PAH: variants seen among roughly 807,000 people sequenced by gnomAD.
PAH encodes phenylalanine hydroxylase, also known as phenylalanine-4-hydroxylase.
PAH carries 64 observed loss-of-function variants against 62.0 expected under a neutral mutation model. That is an observed-to-expected ratio of 1.03 (90% CI 0.84 to 1.27). The LOEUF (loss-of-function observed/expected upper bound fraction) is 1.27, where lower values mean the gene tolerates loss of function less well. PAH is among the 50% of genes most tolerant of loss of function. The pLI is 0.00. For missense variants in PAH, 579 were observed against 542.8 expected, an observed-to-expected ratio of 1.07 and a Z score of -0.66; for synonymous variants, 195 against 196.2, an observed-to-expected ratio of 0.99 and a Z score of 0.05.
At chr12:102,868,238 G>A (rs1876147996) in intron 4 of PAH, among the ~76,000 whole-genome samples, 1 of 144,144 alleles carries the variant, frequency 6.9e-6, no homozygotes, top group South Asian at 2.2e-4. Context: ...AGACACAGAG[G>A]GCAATGTAAT....
intron 5 of PAH, among the ~76,000 whole-genome samples, chr12:102,865,705 TG>T (rs1243128057): frequency 6.6e-6 from 1 of 152,206 alleles, no homozygotes. Context: ...AGCACATTTT[TG>T]AATTCTTCCA....
At chr12:102,855,390 G>C in intron 5 of PAH, 58 bp from the exon 6 acceptor site, 1 of 1,426,500 alleles carries the variant, frequency 7.0e-7, no homozygotes, top group Admixed American at 1.7e-5. Flanking sequence ...GCAGAACGCA[G>C]GTTAGGTTAG....
At chr12:102,867,910 CATGTATATACATATATAG>C (rs1876060986) in intron 4 of PAH, among the ~76,000 whole-genome samples, 1 of 137,406 alleles carries the variant, frequency 7.3e-6, no homozygotes, top group Admixed American at 7.4e-5. Flanking sequence ...TGTATATATA[CATGTATATACATATATAG>C]ATGTATATAT....
In PAH at chr12:102,929,181, C is replaced by T. The variant is rs181881785; in HGVS notation, c.-95-11956G>A. ...CCTGCAGAATGGTGGGTCAATTAAACCTCTTTCCTTTATTAATTACCCGGT... is the reference window on the plus strand; with the variant it reads ...CCTGCAGAATGGTGGGTCAATTAAATCTCTTTCCTTTATTAATTACCCGGT... On this transcript the variant is annotated intron_variant, in intron 1 of 3. Coordinates refer to the PAH transcript ENST00000546844. Among the ~76,000 whole-genome samples, 7 of 152,254 alleles carry T rather than the reference C, an allele frequency of 4.6e-5. No individual in the cohort carries two copies. In the East Asian group the frequency reaches 1.2e-3, roughly 25 times the overall value.
chr12:102,889,477 A>C (rs1440233972), intron 3 of PAH, among the ~76,000 whole-genome samples: 1 of 150,956 alleles, frequency 6.6e-6, no homozygotes, highest in Non-Finnish European at 1.5e-5. Context: ...GGACAGATAG[A>C]TAGGTAGATA....
rs138025942 is a variant in PAH, at chr12:102,870,148, T to G, written c.442-3485A>C. ...TATTGAGAGGTATAATTTGTGTGTG[T>G]GGGTGGGTTTAGGGGAGAGGGTAAC... On this transcript the variant is annotated intron_variant, in intron 4 of 12. Transcript: ENST00000553106. Among the ~76,000 whole-genome samples, 274 of 152,228 alleles carry G rather than the reference T, an allele frequency of 1.8e-3. 2 individuals carry two copies. Among genetic ancestry groups the G allele is most frequent in the South Asian group, 0.013 (62 of 4,812 alleles).
Position 102,838,195 on chromosome 12 carries a change from G to A in PAH, c.*980C>T, listed in dbSNP as rs148195437. 5 of 152,216 alleles carry A rather than the reference G, an allele frequency of 3.3e-5. No individual in the cohort carries two copies. The highest frequency in any genetic ancestry group is 5.9e-5 in the Non-Finnish European group (4 of 68,018). 9.4% of individuals were successfully genotyped at this position (152,216 alleles called of 1,614,324 possible). ...GGCATGACTTTGAGTGTCACAAGGA[G>A]CCCCTGCAAAGGGTTGGAGATATGA... On this transcript the variant is annotated 3_prime_UTR_variant, in exon 13 of 13. Coordinates refer to ENST00000553106, the MANE Select transcript of PAH (RefSeq NM_000277.3).
intron 3 of PAH, among the ~76,000 whole-genome samples, chr12:102,893,772 C>T (rs1877377374): frequency 6.6e-6 from 1 of 152,186 alleles, no homozygotes; most frequent in African/African-American, 2.4e-5. Context: ...CTTTTCCTCC[C>T]CGGAGGATGA....
intron 1 of PAH, among the ~76,000 whole-genome samples, chr12:102,944,196 C>T (rs1879402837): frequency 6.6e-6 from 1 of 152,148 alleles, no homozygotes; most frequent in Admixed American, 6.5e-5. Context: ...TAGCCTCCTT[C>T]CTTTATCCTT....
intron 1 of PAH, chr12:102,913,910 A>G (rs1010661561): frequency 1.7e-5 from 12 of 696,348 alleles, no homozygotes; most frequent in Non-Finnish European, 2.6e-5. Flanking sequence ...ATGTGTGTCC[A>G]CAATAAGCAG....
At chr12:102,937,496 CAACTT>C (rs1400065689) in intron 1 of PAH, among the ~76,000 whole-genome samples, 3 of 152,118 alleles carry the variant, frequency 2.0e-5, no homozygotes, top group East Asian at 1.9e-4. Flanking sequence ...AATCCGATGA[CAACTT>C]AACGCTGATT....
chr12:102,932,203 C>T (rs1179177613), intron 1 of PAH, among the ~76,000 whole-genome samples: 6 of 150,992 alleles, frequency 4.0e-5, no homozygotes, highest in Admixed American at 3.9e-4. Context: ...CCTACCCTGC[C>T]CAACCATCCC....
rs534500279 is a variant in PAH at position 102,956,056 on chromosome 12, C to T, written c.-96+2139G>A. Among the ~76,000 whole-genome samples, 4 of 152,282 alleles carry T rather than the reference C, an allele frequency of 2.6e-5. No individual in the cohort carries two copies. The South Asian group carries it at 8.3e-4, about 32-fold the overall frequency. ...ACTCAGCCAGCCCACATACCAAGAG[C>T]AGCTCCCTGGGTCATCCCCTTGGCC... On this transcript the variant is annotated intron_variant, in intron 1 of 4. Coordinates refer to the PAH transcript ENST00000551337.
At chr12:102,857,402 G>T (rs1225917113) in intron 5 of PAH, among the ~76,000 whole-genome samples, 1 of 152,218 alleles carries the variant, frequency 6.6e-6, no homozygotes, top group Non-Finnish European at 1.5e-5. Context: ...ACACTCTGAA[G>T]GATACTATCC....
At chr12:102,873,499 G>T (rs1370443577) in intron 4 of PAH, among the ~76,000 whole-genome samples, 1 of 152,186 alleles carries the variant, frequency 6.6e-6, no homozygotes, top group Non-Finnish European at 1.5e-5. Context: ...TGGCCACGGA[G>T]ATCTGGGGGT....
intron 5 of PAH, among the ~76,000 whole-genome samples, 155 bp downstream of exon 5, chr12:102,866,439 CCA>C (rs976432562): frequency 1.3e-5 from 2 of 152,044 alleles, no homozygotes; most frequent in African/African-American, 4.8e-5. Flanking sequence ...AAACACACCC[CCA>C]CACACACATA....
At chr12:102,867,539 C>A (rs1173427718) in intron 4 of PAH, among the ~76,000 whole-genome samples, 1 of 152,112 alleles carries the variant, frequency 6.6e-6, no homozygotes, top group African/African-American at 2.4e-5. Context: ...TTTGGTAAGA[C>A]AAGAGACTGA....
chr12:102,871,922 C>CAAAAAAA (rs1168829038), intron 4 of PAH, among the ~76,000 whole-genome samples: 1 of 115,514 alleles, frequency 8.7e-6, no homozygotes, highest in African/African-American at 3.7e-5. Flanking sequence ...AACTCTGCCT[C>CAAAAAAA]AAAAAAAAAA....
intron 1 of PAH, among the ~76,000 whole-genome samples, chr12:102,931,930 T>C (rs963128789): frequency 8.5e-5 from 13 of 152,106 alleles, no homozygotes; most frequent in Admixed American, 2.0e-4. Flanking sequence ...AAACCACTGG[T>C]AAATGAAGCA....
Sources: gnomAD v4.1 joint callset for allele counts (sites outside exome capture counted in the v4.1 genomes callset) on GRCh38, gnomAD v4.1.1 for gene constraint, MANE v1.5 for transcripts, NCBI Gene and HGNC (gene_info 2026-07-23, HGNC 2026-07-21) for gene names.